The following FAM171A1 variants were observed in gnomAD, a reference collection of about 807,000 sequenced individuals.
FAM171A1 encodes protein FAM171A1.
In FAM171A1, 23 loss-of-function variants were observed where a neutral mutation model predicts 74.9. The ratio of observed to expected loss-of-function variants is 0.31; its 90% CI spans 0.22 to 0.44. The LOEUF (loss-of-function observed/expected upper bound fraction) is 0.44. FAM171A1 is among the 20% of genes least tolerant of loss of function. The probability of loss-of-function intolerance (pLI) is 1.00; values close to 1 mark genes in which losing one functional copy is unlikely to be tolerated. For missense variants in FAM171A1, 1,162 were observed against 1,159.2 expected (o/e 1.00, Z -0.03); for synonymous variants, 527 against 505.7 (o/e 1.04, Z -0.57).
chr10:15,263,709 T>A (rs1834692700), intron 3 of FAM171A1, among the ~76,000 whole-genome samples: 1 of 149,704 alleles, frequency 6.7e-6, no homozygotes, highest in Non-Finnish European at 1.5e-5. Context: ...CATCTATCCA[T>A]CTATCCTATC....
chr10:15,327,707 A>G (rs1955343), intron 1 of FAM171A1, among the ~76,000 whole-genome samples: 100,170 of 151,978 alleles, frequency 0.66, 33,458 homozygotes, highest in East Asian at 0.92. Flanking sequence ...ACTCATAAAT[A>G]TAAGCTAAAC....
At chr10:15,311,731 G>A (rs979414812) in intron 1 of FAM171A1, among the ~76,000 whole-genome samples, 4 of 152,064 alleles carry the variant, frequency 2.6e-5, no homozygotes, top group African/African-American at 7.2e-5. Context: ...GCGGCATCAC[G>A]TTTTCCCCCT....
rs140118111 is a variant in FAM171A1, at chr10:15,212,515, A to G, written c.*400T>C. The G allele has an allele frequency of 4.9e-6, 1 of 202,038 alleles. No homozygotes were observed. The highest frequency in any genetic ancestry group is 2.4e-5 in the African/African-American group (1 of 42,334). The allele number at this position is 202,038 out of a possible 1,614,324, so 12.5% of individuals were successfully genotyped here. A position where few individuals can be genotyped will look rare whatever the true frequency, so the allele number is the denominator to read the frequency against. On this transcript the variant is annotated 3_prime_UTR_variant, in exon 8 of 8. Coordinates refer to ENST00000378116, the MANE Select transcript of FAM171A1 (RefSeq NM_001010924.2). ...AACCTAAGTTCTCAACGACAGCTTCACAGTAGGATTATTGTGATAAAAATG... is the reference window on the plus strand; with the variant it reads ...AACCTAAGTTCTCAACGACAGCTTCGCAGTAGGATTATTGTGATAAAAATG...
At chr10:15,305,106 T>A (rs556838030) in intron 1 of FAM171A1, among the ~76,000 whole-genome samples, 4 of 152,276 alleles carry the variant, frequency 2.6e-5, no homozygotes, top group African/African-American at 9.6e-5. Flanking sequence ...TGAATAATAA[T>A]AAAACTTATA....
chr10:15,252,110 G>A (rs1381688052), intron 4 of FAM171A1, among the ~76,000 whole-genome samples: 1 of 152,182 alleles, frequency 6.6e-6, no homozygotes, highest in African/African-American at 2.4e-5. Flanking sequence ...GGAGTTATTA[G>A]TGAAAGCAAT....
rs1454652635 is a variant in FAM171A1 at position 15,283,964 on chromosome 10, T to C, written c.239A>G (p.Tyr80Cys). 1 of 1,614,154 alleles carries C rather than the reference T, an allele frequency of 6.2e-7. No homozygotes were observed. Among genetic ancestry groups the C allele is most frequent in the South Asian group, 1.1e-5 (1 of 91,072 alleles). Reference protein sequence around the residue: ...TDGVAFIKFQYKLGSQLIVTA... With the variant: ...TDGVAFIKFQCKLGSQLIVTA... The stretch of plus-strand genomic sequence containing the variant: ...GACAATCAACTGACTGCCCAGCTTA[T>C]ACTGGAACTTGATAAAGGCGACGCC... Residue 80 changes from tyrosine to cysteine, a missense_variant, in exon 2 of 8, where the codon TAT becomes TGT. Physicochemically the swap from Tyr to Cys is radical, Grantham distance 194. Coordinates refer to ENST00000378116, the MANE Select transcript of FAM171A1 (RefSeq NM_001010924.2).
At chr10:15,328,623 G>C (rs1358020417) in intron 1 of FAM171A1, among the ~76,000 whole-genome samples, 2 of 152,206 alleles carry the variant, frequency 1.3e-5, no homozygotes, top group Non-Finnish European at 1.5e-5. Context: ...AGCTGCAGTA[G>C]TGCAGGCATC....
At chr10:15,367,294 T>C (rs1039848969) in intron 1 of FAM171A1, among the ~76,000 whole-genome samples, 1 of 152,266 alleles carries the variant, frequency 6.6e-6, no homozygotes, top group Non-Finnish European at 1.5e-5. Flanking sequence ...ACTATTTTCC[T>C]TCTTTTGGTT....
chr10:15,255,392 C>T (rs1311208046), intron 3 of FAM171A1, among the ~76,000 whole-genome samples: 1 of 152,124 alleles, frequency 6.6e-6, no homozygotes, highest in Admixed American at 6.6e-5. Context: ...CAAACAATAC[C>T]CCAGCGGCAA....
chr10:15,235,293 C>T (rs1366879262), intron 5 of FAM171A1, among the ~76,000 whole-genome samples: 2 of 106,302 alleles, frequency 1.9e-5, no homozygotes, highest in Admixed American at 2.6e-4. Flanking sequence ...CAGAGCGAGA[C>T]TCTGTCTCAA....
chr10:15,271,401 C>G (rs1301541125), intron 3 of FAM171A1, among the ~76,000 whole-genome samples: 3 of 152,164 alleles, frequency 2.0e-5, no homozygotes, highest in Non-Finnish European at 4.4e-5. Flanking sequence ...ACCAAATTTA[C>G]GTCTGATTGG....
intron 5 of FAM171A1, among the ~76,000 whole-genome samples, chr10:15,235,045 C>T (rs911406087): frequency 5.9e-5 from 9 of 152,100 alleles, no homozygotes; most frequent in African/African-American, 2.2e-4. Flanking sequence ...CGTGGTGTCT[C>T]ACGCCTGTAA....
chr10:15,242,116 A>T (rs1309328891), intron 5 of FAM171A1, among the ~76,000 whole-genome samples: 1 of 152,210 alleles, frequency 6.6e-6, no homozygotes, highest in South Asian at 2.1e-4. Context: ...GATTACTGTA[A>T]TCATAAATAG....
chr10:15,238,683 C>T (rs1281770719), intron 5 of FAM171A1, among the ~76,000 whole-genome samples: 2 of 152,172 alleles, frequency 1.3e-5, no homozygotes, highest in Admixed American at 6.6e-5. Context: ...GAAGTGCAGA[C>T]GAATCTACTA....
At chr10:15,239,739 C>T (rs185789802) in intron 5 of FAM171A1, among the ~76,000 whole-genome samples, 3 of 152,306 alleles carry the variant, frequency 2.0e-5, no homozygotes, top group South Asian at 4.2e-4. Flanking sequence ...CTTCGCTCTA[C>T]GAATCACAGC....
intron 1 of FAM171A1, among the ~76,000 whole-genome samples, chr10:15,370,378 C>T (rs1836124854): frequency 1.3e-5 from 2 of 151,512 alleles, no homozygotes; most frequent in African/African-American, 4.9e-5. Context: ...GGGGAGAGAA[C>T]CCCCCAAACT....
rs1009679449 is a variant in FAM171A1 at position 15,234,612 on chromosome 10, A to T, written c.755-13552T>A. The stretch of plus-strand genomic sequence containing the variant: ...ACGGGAGGGGAAAAGTAGCCTAGCG[A>T]CCAGTCTGATTGGCTGCAGGAGGGG... On this transcript the variant is annotated intron_variant, in intron 5 of 7. Coordinates refer to ENST00000378116, the MANE Select transcript of FAM171A1 (RefSeq NM_001010924.2). Among the ~76,000 whole-genome samples, 9 of 151,506 alleles carry T rather than the reference A, an allele frequency of 5.9e-5. No homozygotes were observed. In the East Asian group the frequency reaches 1.8e-3, roughly 29 times the overall value.
intron 1 of FAM171A1, among the ~76,000 whole-genome samples, chr10:15,305,831 A>G (rs1295761292): frequency 6.6e-6 from 1 of 152,180 alleles, no homozygotes; most frequent in Non-Finnish European, 1.5e-5. Context: ...CCCATGGTGA[A>G]AGTCCAGCCC....
intron 5 of FAM171A1, among the ~76,000 whole-genome samples, chr10:15,232,062 TAGCCTAGGTGACAA>T (rs915972345): frequency 2.6e-5 from 4 of 152,148 alleles, no homozygotes; most frequent in African/African-American, 9.7e-5. Flanking sequence ...CACTACACTC[TAGCCTAGGTGACAA>T]AGTGAGATCA....
Sources: allele counts gnomAD v4.1 joint callset (sites outside exome capture counted in the v4.1 genomes callset), GRCh38; gene constraint gnomAD v4.1.1; transcripts MANE v1.5; gene names NCBI Gene and HGNC (gene_info 2026-07-23, HGNC 2026-07-21).